CELF2: variants seen among roughly 807,000 people sequenced by gnomAD.
CELF2 encodes the protein CUG triplet repeat RNA-binding protein 2.
Under a neutral mutation model 62.6 loss-of-function variants are expected in CELF2, and 8 were observed. The observed-to-expected ratio is 0.13, with a 90% confidence interval of 0.07 to 0.23. The LOEUF (loss-of-function observed/expected upper bound fraction) is 0.23. CELF2 is among the 10% of genes least tolerant of loss of function. The pLI, the probability that CELF2 is intolerant of heterozygous loss-of-function variation, is 1.00. For synonymous variants in CELF2, 258 were observed against 250.0 expected, an observed-to-expected ratio of 1.03 and a Z score of -0.30; for missense variants, 333 against 671.0, an observed-to-expected ratio of 0.50 and a Z score of 5.56.
the CELF2 span, among the ~76,000 whole-genome samples, chr10:10,612,653 G>C: frequency 3.3e-5 from 5 of 152,178 alleles, no homozygotes. Flanking sequence ...CATCTTCAAA[G>C]TAATGGGTTT....
At chr10:10,621,243 C>CAA in the CELF2 span, among the ~76,000 whole-genome samples, 235 of 45,164 alleles carry the variant, frequency 5.2e-3, 4 homozygotes, top group African/African-American at 0.013. Context: ...GACTCTGACT[C>CAA]AAAAAAAAAA....
At chr10:11,037,203 T>C (rs1291864) in intron 1 of CELF2, among the ~76,000 whole-genome samples, 134,880 of 152,316 alleles carry the variant, frequency 0.89, 59,816 homozygotes, top group East Asian at 1. Context: ...GGACATCTTA[T>C]ATGGCGCAAG....
the CELF2 span, among the ~76,000 whole-genome samples, chr10:10,599,562 A>G: frequency 6.6e-6 from 1 of 152,198 alleles, no homozygotes; most frequent in Non-Finnish European, 1.5e-5. Context: ...TCAGAGAAAC[A>G]TTAGCTTTGA....
chr10:10,595,506 T>G, the CELF2 span, among the ~76,000 whole-genome samples: 1 of 152,142 alleles, frequency 6.6e-6, no homozygotes, highest in East Asian at 1.9e-4. Context: ...ATTGAAGACC[T>G]GCTGAAACAA....
the CELF2 span, among the ~76,000 whole-genome samples, chr10:10,536,418 T>C: frequency 1.3e-5 from 2 of 152,258 alleles, no homozygotes; most frequent in Admixed American, 1.3e-4. Flanking sequence ...TAAATACCCC[T>C]AATGCTTTTG....
chr10:10,696,920 G>A, the CELF2 span, among the ~76,000 whole-genome samples: 1 of 152,192 alleles, frequency 6.6e-6, no homozygotes, highest in Non-Finnish European at 1.5e-5. Context: ...ACCTCAGATG[G>A]AAATGCAGAA....
chr10:11,258,133 C>A (rs566678560), intron 5 of CELF2, among the ~76,000 whole-genome samples: 2 of 152,216 alleles, frequency 1.3e-5, no homozygotes, highest in Non-Finnish European at 2.9e-5. Context: ...TACTGCTAGG[C>A]ATCCTTTTCA....
intron 1 of CELF2, among the ~76,000 whole-genome samples, chr10:11,129,986 T>C (rs2059367610): frequency 6.6e-6 from 1 of 152,268 alleles, no homozygotes. Context: ...TTTAGATCTT[T>C]CCTGCTTTCT....
chr10:10,641,197 A>G, the CELF2 span, among the ~76,000 whole-genome samples: 1 of 152,140 alleles, frequency 6.6e-6, no homozygotes, highest in South Asian at 2.1e-4. Context: ...TGTGGGAATA[A>G]TTCCGGTCAT....
upstream of CELF2, among the ~76,000 whole-genome samples, chr10:10,793,834 C>G (rs2131382496): frequency 6.6e-6 from 1 of 152,146 alleles, no homozygotes; most frequent in African/African-American, 2.4e-5. Flanking sequence ...TTACCAACCT[C>G]CATAAATAAA....
rs1247900096 is a variant in CELF2, at chr10:11,159,385, C to T, written c.75-6101C>T. Reference sequence around the variant, plus strand: ...GAAAGGCAGTCATGGAAGACAGACGCGTTTTTCATGATGACTGTGAAGCAG... The same window carrying T: ...GAAAGGCAGTCATGGAAGACAGACGTGTTTTTCATGATGACTGTGAAGCAG... On this transcript the variant is annotated intron_variant, in intron 1 of 12. Transcript: ENST00000633077. This position sits in a 1 kb window ranked among gnomAD's most constrained non-coding sequence, Gnocchi z 5.0. 1.3e-5 allele frequency among the ~76,000 whole-genome samples: 2 copies of T among 152,220 alleles called. No homozygotes were observed. Among genetic ancestry groups the T allele is most frequent in the Admixed American group, 6.5e-5 (1 of 15,286 alleles).
intron 7 of CELF2, among the ~76,000 whole-genome samples, 200 bp downstream of exon 7, chr10:11,271,024 A>C (rs2083594913): frequency 6.6e-6 from 1 of 152,232 alleles, no homozygotes; most frequent in South Asian, 2.1e-4. Context: ...TGCCTGATGT[A>C]GGAGGGGCAA....
At chr10:11,327,039 G>T (rs754957035) in intron 12 of CELF2, among the ~76,000 whole-genome samples, 1 of 152,164 alleles carries the variant, frequency 6.6e-6, no homozygotes, top group Non-Finnish European at 1.5e-5. Flanking sequence ...AGGTCTGAAG[G>T]CATGGTTAAA....
At chr10:10,648,133 T>A in the CELF2 span, among the ~76,000 whole-genome samples, 2 of 152,168 alleles carry the variant, frequency 1.3e-5, no homozygotes, top group East Asian at 3.8e-4. Context: ...CTTGCAGCAA[T>A]GTAAAGCAAA....
At position 11,223,755 on chromosome 10, in the gene CELF2, G is replaced by T. The variant is rs1344488423; in HGVS notation, c.354+6248G>T. ...AGTCGGGCTCAGCCAGGTGCAACAG[G>T]ATGGCTCCCAGCTGAGCGGTATAGA... On this transcript the variant is annotated intron_variant, in intron 3 of 12. Transcript: ENST00000633077. This position sits in a 1 kb window ranked among gnomAD's most constrained non-coding sequence, Gnocchi z 5.1. Among the ~76,000 whole-genome samples the T allele has an allele frequency of 6.6e-6, 1 of 152,196 alleles. No homozygotes were observed. Among genetic ancestry groups the T allele is most frequent in the Non-Finnish European group, 1.5e-5 (1 of 68,024 alleles).
chr10:11,086,238 G>A (rs1399539115), intron 1 of CELF2, among the ~76,000 whole-genome samples: 6 of 151,982 alleles, frequency 3.9e-5, no homozygotes, highest in East Asian at 1.9e-4. Context: ...AGGAGAGAGC[G>A]GAATCTCCCC....
At chr10:11,236,501 T>C (rs1468567160) in intron 3 of CELF2, among the ~76,000 whole-genome samples, 1 of 152,226 alleles carries the variant, frequency 6.6e-6, no homozygotes, top group Non-Finnish European at 1.5e-5. Flanking sequence ...AGTCACTGTT[T>C]AACTTGAATT....
upstream of CELF2, among the ~76,000 whole-genome samples, chr10:10,797,791 G>C (rs193040854): frequency 2.0e-5 from 3 of 152,306 alleles, no homozygotes; most frequent in Non-Finnish European, 4.4e-5. Context: ...CTGCTTAAGA[G>C]GCAGTGCTTA....
At chr10:10,941,784 A>G (rs1442081832) in intron 2 of CELF2, among the ~76,000 whole-genome samples, 3 of 152,190 alleles carry the variant, frequency 2.0e-5, no homozygotes, top group Non-Finnish European at 4.4e-5. Flanking sequence ...ATTTGAGGTC[A>G]GGAGTTTGAG....
Sources: allele counts gnomAD v4.1 joint callset (sites outside exome capture counted in the v4.1 genomes callset), GRCh38; gene constraint gnomAD v4.1.1; non-coding constraint Gnocchi (gnomAD v3.1); transcripts MANE v1.5; gene names NCBI Gene and HGNC (gene_info 2026-07-23, HGNC 2026-07-21).